CDON: variants seen among roughly 807,000 people sequenced by gnomAD.
CDON encodes the protein cell adhesion associated, oncogene regulated, also known as cell adhesion molecule-related/down-regulated by oncogenes.
CDON carries 73 observed loss-of-function variants against 120.9 expected under a neutral mutation model. That is an observed-to-expected ratio of 0.60 (90% CI 0.50 to 0.73). The LOEUF (loss-of-function observed/expected upper bound fraction) is 0.73. Among genes scored for constraint, CDON ranks in the 30% least tolerant of loss-of-function variants. The probability of loss-of-function intolerance (pLI) is 0.00; values close to 1 mark genes in which losing one functional copy is unlikely to be tolerated. For missense variants in CDON, 1,470 were observed against 1,587.3 expected (o/e 0.93, Z 1.26); for synonymous variants, 566 against 573.5 (o/e 0.99, Z 0.19).
intron 1 of CDON, among the ~76,000 whole-genome samples, chr11:126,029,685 C>A (rs891328284): frequency 6.6e-6 from 1 of 152,092 alleles, no homozygotes; most frequent in Non-Finnish European, 1.5e-5. Context: ...ACCCAGTGGT[C>A]TCAAATGGAA....
At chr11:125,981,422 GCACACACGCACA>G in intron 16 of CDON, 93 bp from the exon 17 acceptor site, 38 of 968,750 alleles carry the variant, frequency 3.9e-5, no homozygotes, top group Non-Finnish European at 5.2e-5. Flanking sequence ...ATGCACATAC[GCACACACGCACA>G]CACGCACACA....
At chr11:126,060,550 T>A (rs148841599) in intron 1 of CDON, among the ~76,000 whole-genome samples, 1 of 137,264 alleles carries the variant, frequency 7.3e-6, no homozygotes, top group Admixed American at 7.9e-5. Context: ...AGTCTAAACG[T>A]TCGTGGAAAA....
intron 1 of CDON, among the ~76,000 whole-genome samples, chr11:126,042,180 G>A (rs1385661811): frequency 2.0e-5 from 3 of 152,006 alleles, no homozygotes; most frequent in Admixed American, 6.6e-5. Context: ...CACCAAGCCC[G>A]GCCAATTTGC....
intron 15 of CDON, 142 bp downstream of exon 15, chr11:125,989,495 C>T: frequency 1.3e-6 from 1 of 773,716 alleles, no homozygotes; most frequent in Non-Finnish European, 2.2e-6. Context: ...GAGATTGTAC[C>T]ACTGCACTCC....
chr11:125,961,629 T>C (rs766886418), intron 19 of CDON, 95 bp downstream of exon 19: 6 of 1,545,964 alleles, frequency 3.9e-6, no homozygotes, highest in Admixed American at 3.5e-5. Context: ...AAACTAATCA[T>C]AGAGGGGAAA....
chr11:126,044,109 A>T (rs1256020694), intron 1 of CDON, among the ~76,000 whole-genome samples: 1 of 152,252 alleles, frequency 6.6e-6, no homozygotes, highest in East Asian at 1.9e-4. Flanking sequence ...TCATGGCAGC[A>T]CTGGTGTGCC....
intron 7 of CDON, among the ~76,000 whole-genome samples, chr11:126,013,935 G>C (rs907313352): frequency 6.6e-6 from 1 of 151,896 alleles, no homozygotes; most frequent in African/African-American, 2.4e-5. Flanking sequence ...CCATTTGACT[G>C]TCTCTTACAA....
At chr11:125,996,765 C>G (rs1487534509) in intron 12 of CDON, among the ~76,000 whole-genome samples, 5 of 147,280 alleles carry the variant, frequency 3.4e-5, no homozygotes, top group Admixed American at 1.4e-4. Context: ...ATGATTATCT[C>G]TGAATGGGTG....
chr11:125,970,947 G>A (rs1472401280), intron 18 of CDON, among the ~76,000 whole-genome samples: 2 of 152,118 alleles, frequency 1.3e-5, no homozygotes, highest in African/African-American at 2.4e-5. Context: ...ATTTCTTAGG[G>A]AAATAGGGAG....
At position 125,983,961 on chromosome 11, in the gene CDON, A is replaced by G. The variant is rs1388796133; in HGVS notation, c.2906T>C (p.Val969Ala). ...GACCATGACGCCCAGCACACAGCCA[A>G]CGATCAGATATAACATGTCACTGCT... ...ARSSDMLYLIVGCVLGVMVLI... is the reference protein window; with the variant it reads ...ARSSDMLYLIAGCVLGVMVLI... The change falls in exon 16 of 20, where the codon GTT (valine) becomes GCT (alanine). Residue 969 changes from valine (V) to alanine (A), a missense_variant. Coordinates refer to ENST00000531738, the MANE Select transcript of CDON (RefSeq NM_001378964.1). The G allele has an allele frequency of 1.2e-6, 2 of 1,614,050 alleles. No homozygotes were observed. Among genetic ancestry groups the G allele is most frequent in the Non-Finnish European group, 1.7e-6 (2 of 1,180,014 alleles).
chr11:126,011,946 GGGTCTCCTCCCTGCT>G (rs1376818481), intron 7 of CDON, among the ~76,000 whole-genome samples: 2 of 152,108 alleles, frequency 1.3e-5, no homozygotes, highest in Non-Finnish European at 2.9e-5. Flanking sequence ...AATGCGAAAT[GGGTCTCCTCCCTGCT>G]GATCTGCAAT....
intron 18 of CDON, among the ~76,000 whole-genome samples, chr11:125,964,191 G>A (rs570738262): frequency 1.3e-5 from 2 of 152,280 alleles, no homozygotes; most frequent in East Asian, 3.9e-4. Context: ...GTGAAATGTG[G>A]GGCAAGGTCG....
chr11:125,979,026 C>T (rs920946485), intron 17 of CDON, among the ~76,000 whole-genome samples: 6 of 152,072 alleles, frequency 3.9e-5, no homozygotes, highest in Admixed American at 3.3e-4. Context: ...TTAACACATA[C>T]CTCATTGTAA....
intron 1 of CDON, among the ~76,000 whole-genome samples, chr11:126,026,582 C>T (rs1375329875): frequency 6.6e-6 from 1 of 152,176 alleles, no homozygotes; most frequent in Non-Finnish European, 1.5e-5. Flanking sequence ...ATGCCAAGTA[C>T]TCTAAAATCT....
rs886047966 is a variant in CDON at position 125,959,206 on chromosome 11, G to A, written c.*1736C>T. The A allele has an allele frequency of 8.5e-5, 13 of 152,322 alleles. No homozygotes were observed. The highest frequency in any genetic ancestry group is 7.7e-4 in the East Asian group (4 of 5,184). 9.4% of individuals were successfully genotyped at this position (152,322 alleles called of 1,614,324 possible). Reference sequence around the variant, plus strand: ...TCTATTATAAAATATATAGACATATGTAAGGGAATACTGATGCATTTATAC... The same window carrying A: ...TCTATTATAAAATATATAGACATATATAAGGGAATACTGATGCATTTATAC... On this transcript the variant is annotated 3_prime_UTR_variant, in exon 20 of 20. Transcript: ENST00000531738.
intron 1 of CDON, among the ~76,000 whole-genome samples, chr11:126,061,500 T>C (rs1858111487): frequency 6.6e-6 from 1 of 152,140 alleles, no homozygotes; most frequent in Admixed American, 6.5e-5. Flanking sequence ...ATGCTGACAA[T>C]AAACTCATTT....
At chr11:126,045,521 TTG>T (rs375517470) in intron 1 of CDON, among the ~76,000 whole-genome samples, 2 of 152,314 alleles carry the variant, frequency 1.3e-5, no homozygotes, top group African/African-American at 4.8e-5. Flanking sequence ...AATTTTTGAA[TTG>T]TGTTGATTTT....
At chr11:126,058,651 G>GA (rs1436663633) in intron 1 of CDON, among the ~76,000 whole-genome samples, 1 of 152,222 alleles carries the variant, frequency 6.6e-6, no homozygotes, top group African/African-American at 2.4e-5. Flanking sequence ...TGCATTAGCT[G>GA]AAAACCAGGA....
At chr11:126,007,468 G>A in intron 8 of CDON, among the ~76,000 whole-genome samples, 1 of 152,292 alleles carries the variant, frequency 6.6e-6, no homozygotes, top group South Asian at 2.1e-4. Flanking sequence ...TGATGTTCAG[G>A]GTGTGATCTG....
Sources: allele counts gnomAD v4.1 joint callset (sites outside exome capture counted in the v4.1 genomes callset), GRCh38; gene constraint gnomAD v4.1.1; transcripts MANE v1.5; gene names NCBI Gene and HGNC (gene_info 2026-07-23, HGNC 2026-07-21).